DNAH10: variants seen among roughly 807,000 people sequenced by gnomAD.
DNAH10 encodes the protein dynein axonemal heavy chain 10.
A neutral mutation model predicts 506.6 loss-of-function variants in DNAH10; 348 were observed. That is an observed-to-expected ratio of 0.69 (90% CI 0.63 to 0.75). The LOEUF (loss-of-function observed/expected upper bound fraction) is 0.75, where lower values mean the gene tolerates loss of function less well. Among genes scored for constraint, DNAH10 ranks in the 30% least tolerant of loss-of-function variants. DNAH10 has a pLI of 0.00. For synonymous variants in DNAH10, 2,059 were observed against 2,198.6 expected (o/e 0.94, Z 1.78); for missense variants, 5,179 against 5,787.1 (o/e 0.89, Z 3.41).
chr12:123,929,254 GTGT>G lies in DNAH10; in HGVS notation c.12307-19_12307-17del. 6.4e-7 allele frequency: 1 copy of G among 1,568,800 alleles called. No homozygotes were observed. Among genetic ancestry groups the G allele is most frequent in the African/African-American group, 1.4e-5 (1 of 73,964 alleles). ...GTGGGCCTGCGGTCTCCATCACTGTGTGTTTTCTTCTCTTCTGAAGGTTGTCAC... is the reference window on the plus strand; with the variant it reads ...GTGGGCCTGCGGTCTCCATCACTGTGTTTCTTCTCTTCTGAAGGTTGTCAC... On this transcript the variant is annotated intron_variant, in intron 70 of 78. Transcript: ENST00000673944.
At position 123,813,510 on chromosome 12, in the gene DNAH10, G is replaced by T. The variant is rs756785568; in HGVS notation, c.3491G>T (p.Cys1164Phe). The change falls in exon 20 of 79, where the codon TGC (cysteine) becomes TTC (phenylalanine). Residue 1164 changes from cysteine to phenylalanine, a missense_variant. By Grantham distance (205) the Cys-to-Phe change is radical. Around this residue, in one of 3 missense-constraint regions of DNAH10, gnomAD observed 4,844 missense variants for 5,430.5 expected, o/e 0.89. Transcript: ENST00000673944. ...CACCCTCTAATTAAGGATGAGCATT[G>T]CATCAGACTTCAGCTCAGGCATCTG... ...MRHPLIKDEH[C>F]IRLQLRHLAN... 3 of 1,614,208 alleles carry T rather than the reference G, an allele frequency of 1.9e-6. No homozygotes were observed. Among genetic ancestry groups the T allele is most frequent in the Non-Finnish European group, 2.5e-6 (3 of 1,180,036 alleles).
chr12:123,896,148 C>CACACACATAGAGAGAG (rs1383690518), intron 54 of DNAH10, among the ~76,000 whole-genome samples: 1 of 95,272 alleles, frequency 1.0e-5, no homozygotes, highest in Non-Finnish European at 1.9e-5. Flanking sequence ...CACACACACA[C>CACACACATAGAGAGAG]AGAGAGAGAG....
At position 123,897,808 on chromosome 12, in the gene DNAH10, G is replaced by A. The variant is rs764332765; in HGVS notation, c.9319G>A (p.Val3107Met). ...PMIPAENIEN[V>M]VKHVVLVHQS... is the part of the protein sequence containing the mutation. ...GATCCCGGCAGAAAATATAGAAAATGTGGTGAAGCATGTTGTCTTGGTTCA... is the reference window on the plus strand; with the variant it reads ...GATCCCGGCAGAAAATATAGAAAATATGGTGAAGCATGTTGTCTTGGTTCA... Residue 3107 changes from valine to methionine, a missense_variant, in exon 55 of 79, where the codon GTG becomes ATG. Coordinates refer to ENST00000673944, the MANE Select transcript of DNAH10 (RefSeq NM_001372106.1). 6.2e-7 allele frequency: 1 copy of A among 1,609,322 alleles called. No individual in the cohort carries two copies. The highest frequency in any genetic ancestry group is 2.2e-5 in the East Asian group (1 of 44,770).
intron 15 of DNAH10, among the ~76,000 whole-genome samples, chr12:123,801,027 A>G (rs1335839472): frequency 6.6e-6 from 1 of 152,222 alleles, no homozygotes; most frequent in East Asian, 1.9e-4. Flanking sequence ...AAAAAAAAAA[A>G]GAAAAGTTTA....
Position 123,772,908 on chromosome 12 carries a change from C to T in DNAH10, c.471C>T (p.Asp157=). The T allele has an allele frequency of 6.2e-7, 1 of 1,612,960 alleles. No individual in the cohort carries two copies. Among genetic ancestry groups the T allele is most frequent in the Non-Finnish European group, 8.5e-7 (1 of 1,179,462 alleles). The change falls in exon 4 of 79, where the codon GAC becomes GAT. Residue 157 remains aspartate (D), a synonymous_variant. Transcript: ENST00000673944. ...LCTPLPEEFL[D]QNVVFFLRNT... is the part of the protein sequence containing the mutation. ...CCCCTCTTCCCGAGGAGTTCCTGGA[C>T]CAAAACGTGGTGTTTTTCCTCAGAA...
At chr12:123,807,452 C>T (rs963120416) in intron 18 of DNAH10, among the ~76,000 whole-genome samples, 5 of 152,118 alleles carry the variant, frequency 3.3e-5, no homozygotes, top group Admixed American at 1.3e-4. Flanking sequence ...AGAAAGACCC[C>T]GGAAATTCCA....
In DNAH10 at chr12:123,781,275, CA is replaced by C. The variant is rs1486988309; in HGVS notation, c.820del (p.Arg274GlufsTer12). 3.1e-6 allele frequency: 5 copies of C among 1,613,062 alleles called. No individual in the cohort carries two copies. The highest frequency in any genetic ancestry group is 4.2e-6 in the Non-Finnish European group (5 of 1,179,606). On this transcript the variant is annotated frameshift_variant, in exon 6 of 79. Transcript: ENST00000673944. LOFTEE classifies it high-confidence loss of function. ...MNVQKFASNI[Q>X]RTMQQLEGEI... Reference sequence around the variant, plus strand: ...CGTGCAGAAATTTGCAAGTAATATTCAAAGAACCATGCAGCAACTTGAAGGT... The same window carrying C: ...CGTGCAGAAATTTGCAAGTAATATTCAAGAACCATGCAGCAACTTGAAGGT...
At position 123,868,083 on chromosome 12, in the gene DNAH10, A is replaced by C. The variant is rs1951884205; in HGVS notation, c.7483A>C (p.Thr2495Pro). ...CCTTGCTTCTTTGTCTACTGTTGAC[A>C]CAGAAGGAGTTTGGGCCAACCCTGG... ...KRLASLSTVD[T>P]EGVWANPGEL... The change falls in exon 43 of 79, where the codon ACA becomes CCA. Residue 2495 changes from threonine to proline, a missense_variant. Thr to Pro is a conservative substitution (Grantham distance 38). This residue lies in a region of DNAH10 where 4,844 missense variants were observed against 5,430.5 expected (regional missense o/e 0.89). Coordinates refer to ENST00000673944, the MANE Select transcript of DNAH10 (RefSeq NM_001372106.1). 1 of 1,613,714 alleles carries C rather than the reference A, an allele frequency of 6.2e-7. No homozygotes were observed. The highest frequency in any genetic ancestry group is 1.1e-5 in the South Asian group (1 of 91,052).
intron 25 of DNAH10, 97 bp downstream of exon 25, chr12:123,826,995 G>T: frequency 8.8e-7 from 1 of 1,141,872 alleles, no homozygotes. Context: ...TGATGATGAA[G>T]CACACAATTT....
intron 5 of DNAH10, 44 bp from the exon 6 acceptor site, chr12:123,781,036 G>T: frequency 5.0e-6 from 7 of 1,396,392 alleles, no homozygotes; most frequent in African/African-American, 1.5e-5. Context: ...ATGAATTATT[G>T]AAAATGACTT....
At chr12:123,801,255 G>T (rs1431367759) in intron 15 of DNAH10, 26 bp from the exon 16 acceptor site, 12 of 1,610,182 alleles carry the variant, frequency 7.5e-6, no homozygotes, top group African/African-American at 1.3e-5. Flanking sequence ...CTCTCCTCAG[G>T]TTTATGACAT....
At chr12:123,906,228 G>A (rs536206212) in intron 57 of DNAH10, among the ~76,000 whole-genome samples, 7 of 148,774 alleles carry the variant, frequency 4.7e-5, no homozygotes, top group Middle Eastern at 4.1e-3. Flanking sequence ...CACTGCGCCC[G>A]GCCTTTGTGG....
At chr12:123,847,882 CA>C (rs758517248) in intron 32 of DNAH10, 78 bp from the exon 33 acceptor site, 209 of 1,520,504 alleles carry the variant, frequency 1.4e-4, no homozygotes, top group Middle Eastern at 7.1e-4. Flanking sequence ...CACCTATAGT[CA>C]CAGTGATGAA....
At chr12:123,788,728 G>A (rs561450610) in intron 10 of DNAH10, among the ~76,000 whole-genome samples, 2 of 151,974 alleles carry the variant, frequency 1.3e-5, no homozygotes, top group Non-Finnish European at 2.9e-5. Context: ...AGGAATTTGA[G>A]ACTGGCCTGG....
At position 123,771,450 on chromosome 12, in the gene DNAH10, A is replaced by G. The variant is rs141196833; in HGVS notation, c.299-151A>G. ...AATTACAATGTGAGTCAAGGCCACA[A>G]TTTGATTGATTGGAACAGAAGGTAT... On this transcript the variant is annotated intron_variant, in intron 2 of 78. Coordinates refer to ENST00000673944, the MANE Select transcript of DNAH10 (RefSeq NM_001372106.1). 1.2e-3 allele frequency: 833 copies of G among 677,798 alleles called. 4 individuals carry two copies. In the African/African-American group the frequency reaches 0.014, roughly 11 times the overall value. The allele number at this position is 677,798 out of a possible 1,614,324, so 42.0% of individuals were successfully genotyped here.
At chr12:123,802,521 A>G (rs112481221) in intron 16 of DNAH10, among the ~76,000 whole-genome samples, 13,347 of 152,056 alleles carry the variant, frequency 0.088, 1,005 homozygotes, top group African/African-American at 0.21. Context: ...GGCCAGGCTG[A>G]TCTTGAACTC....
intron 5 of DNAH10, among the ~76,000 whole-genome samples, chr12:123,780,176 T>G (rs1205484867): frequency 6.9e-6 from 1 of 145,058 alleles, no homozygotes; most frequent in South Asian, 2.4e-4. Flanking sequence ...TCTCTCTCTC[T>G]TTCTTTCTGA....
At chr12:123,888,723 C>G (rs1039380345) in intron 52 of DNAH10, among the ~76,000 whole-genome samples, 1 of 152,198 alleles carries the variant, frequency 6.6e-6, no homozygotes, top group African/African-American at 2.4e-5. Flanking sequence ...CAGAAATCTA[C>G]TAGAGATGCC....
rs1323452880 is a variant in DNAH10 at position 123,870,457 on chromosome 12, C to T, written c.7611C>T (p.Ala2537=). The T allele has an allele frequency of 2.3e-5, 37 of 1,613,528 alleles. No individual in the cohort carries two copies. Among genetic ancestry groups the T allele is most frequent in the Non-Finnish European group, 3.0e-5 (35 of 1,179,858 alleles). Residue 2537 remains alanine, a synonymous_variant, in exon 44 of 79, where the codon GCC becomes GCT. Transcript: ENST00000673944. ...AATTAGTTCCAGAGTATATTCATGC[C>T]CCCGAGAGGAAATTCATCAACATCC... The part of the protein sequence containing the change: ...WSKLVPEYIH[A]PERKFINILV...
Sources: allele counts gnomAD v4.1 joint callset (sites outside exome capture counted in the v4.1 genomes callset), GRCh38; gene constraint gnomAD v4.1.1; regional missense constraint gnomAD v4.1.1; transcripts MANE v1.5; gene names NCBI Gene and HGNC (gene_info 2026-07-23, HGNC 2026-07-21).